Variants in PCNX1 observed in about 807,000 individuals in gnomAD.
The protein encoded by PCNX1 is pecanex-like protein 1.
PCNX1 carries 78 observed loss-of-function variants against 242.2 expected under a neutral mutation model. That is an observed-to-expected ratio of 0.32 (90% CI 0.27 to 0.39). PCNX1 has a LOEUF of 0.39. Ranked by LOEUF, PCNX1 falls within the 10% of genes least tolerant of loss-of-function variation. The probability of loss-of-function intolerance (pLI) is 1.00; values close to 1 mark genes in which losing one functional copy is unlikely to be tolerated. For missense variants in PCNX1, 2,581 were observed against 2,856.5 expected, an observed-to-expected ratio of 0.90 and a Z score of 2.20; for synonymous variants, 1,024 against 1,032.9, an observed-to-expected ratio of 0.99 and a Z score of 0.17.
intron 1 of PCNX1, among the ~76,000 whole-genome samples, chr14:70,945,901 CAT>C (rs1335783103): frequency 7.2e-5 from 11 of 152,314 alleles, no homozygotes; most frequent in East Asian, 3.9e-4. Flanking sequence ...CTTGTGAAAA[CAT>C]GTGGGATCTA....
chr14:71,103,345 A>G (rs1432863791), intron 31 of PCNX1, 50 bp from the exon 32 acceptor site: 6 of 1,582,668 alleles, frequency 3.8e-6, no homozygotes, highest in African/African-American at 1.4e-5. Flanking sequence ...TGTTTCTGTG[A>G]ATTTTATTCT....
intron 7 of PCNX1, among the ~76,000 whole-genome samples, chr14:70,994,866 C>G (rs1226718758): frequency 7.7e-6 from 1 of 129,110 alleles, no homozygotes; most frequent in Non-Finnish European, 1.7e-5. Context: ...ATTAAAATTT[C>G]TAATAAATAA....
intron 2 of PCNX1, among the ~76,000 whole-genome samples, chr14:70,956,410 GC>G (rs958799260): frequency 4.6e-5 from 7 of 151,884 alleles, no homozygotes; most frequent in African/African-American, 1.7e-4. Flanking sequence ...TAAAAAATTA[GC>G]CGGGTGTGGT....
rs374450253 is a variant in PCNX1, at chr14:70,912,334, A to G, written c.153+4331A>G. 3.6e-3 allele frequency among the ~76,000 whole-genome samples: 550 copies of G among 152,352 alleles called. 1 individual carries two copies. Among genetic ancestry groups the G allele is most frequent in the African/African-American group, 0.013 (533 of 41,574 alleles). On this transcript the variant is annotated intron_variant, in intron 1 of 35. Transcript: ENST00000304743. ...ACATCAGAATCACTTGACAATGTTA[A>G]TGATGTGCAAGCCCTTTCTTATTCG...
intron 4 of PCNX1, among the ~76,000 whole-genome samples, chr14:70,968,717 G>T (rs1210041944): frequency 2.6e-5 from 4 of 152,192 alleles, no homozygotes; most frequent in Non-Finnish European, 5.9e-5. Flanking sequence ...GTTGGGTCAA[G>T]TTATGTAATT....
intron 8 of PCNX1, among the ~76,000 whole-genome samples, chr14:71,002,429 T>C (rs567649041): frequency 8.5e-5 from 13 of 152,280 alleles, no homozygotes; most frequent in African/African-American, 3.1e-4. Context: ...TCAAGGAGTT[T>C]TAACAGATGT....
chr14:71,091,825 G>A (rs546140909), intron 30 of PCNX1, among the ~76,000 whole-genome samples: 13 of 152,240 alleles, frequency 8.5e-5, no homozygotes, highest in African/African-American at 2.2e-4. Context: ...CAGTAATTTC[G>A]TAGTCACCTT....
rs555098729 is a variant in PCNX1, at chr14:70,937,071, C to T, written c.154-9844C>T. Among the ~76,000 whole-genome samples, 52 of 152,194 alleles carry T rather than the reference C, an allele frequency of 3.4e-4. 2 individuals carry two copies. The South Asian group carries it at 7.7e-3, about 22-fold the overall frequency. ...TGGATAGATTGTAAAAATTTTCTCC[C>T]GTTCTGTAGGTTGCCTGTTCACTCT... On this transcript the variant is annotated intron_variant, in intron 1 of 35. Coordinates refer to ENST00000304743, the MANE Select transcript of PCNX1 (RefSeq NM_014982.3).
At chr14:71,071,527 G>C (rs2061585852) in intron 26 of PCNX1, among the ~76,000 whole-genome samples, 1 of 152,062 alleles carries the variant, frequency 6.6e-6, no homozygotes, top group South Asian at 2.1e-4. Context: ...CATGTGATCT[G>C]GTTGTTCAAA....
At chr14:71,052,521 C>G (rs1007839935) in intron 24 of PCNX1, among the ~76,000 whole-genome samples, 1 of 152,060 alleles carries the variant, frequency 6.6e-6, no homozygotes, top group African/African-American at 2.4e-5. Context: ...CCATTTTTTC[C>G]TACTTAAAAG....
chr14:70,911,777 TTCAG>T (rs2055923290), intron 1 of PCNX1, among the ~76,000 whole-genome samples: 2 of 152,324 alleles, frequency 1.3e-5, no homozygotes, highest in Admixed American at 1.3e-4. Flanking sequence ...CAGAATGGCC[TTCAG>T]TAAATGTCAT....
intron 28 of PCNX1, among the ~76,000 whole-genome samples, chr14:71,083,202 G>A (rs1030526255): frequency 3.9e-5 from 6 of 152,154 alleles, no homozygotes; most frequent in African/African-American, 1.2e-4. Context: ...TGGCTTGTGC[G>A]GTTTCTGCAG....
At chr14:70,911,280 T>A (rs2140005856) in intron 1 of PCNX1, among the ~76,000 whole-genome samples, 1 of 152,168 alleles carries the variant, frequency 6.6e-6, no homozygotes, top group Middle Eastern at 3.4e-3. Flanking sequence ...TTTTATTTAT[T>A]CCCCCCCAAA....
chr14:70,969,123 T>C lies in PCNX1; in HGVS notation c.604+13T>C. The C allele has an allele frequency of 2.0e-6, 3 of 1,479,600 alleles. No individual in the cohort carries two copies. Among genetic ancestry groups the C allele is most frequent in the South Asian group, 1.1e-5 (1 of 88,494 alleles). 91.7% of individuals were successfully genotyped at this position (1,479,600 alleles called of 1,614,324 possible). ...AGTGAAGAACAAGGTAAGAACGTTATACTTTACCATGATGTCATATACTGT... is the reference window on the plus strand; with the variant it reads ...AGTGAAGAACAAGGTAAGAACGTTACACTTTACCATGATGTCATATACTGT... On this transcript the variant is annotated intron_variant, in intron 5 of 35. Coordinates refer to ENST00000304743, the MANE Select transcript of PCNX1 (RefSeq NM_014982.3).
At chr14:71,023,155 AG>A (rs2060149917) in intron 12 of PCNX1, 44 bp from the exon 13 acceptor site, 1 of 1,497,382 alleles carries the variant, frequency 6.7e-7, no homozygotes, top group African/African-American at 1.4e-5. Flanking sequence ...TTGTAAAATT[AG>A]CAAGACTTCA....
rs1224411430 is a variant in PCNX1, at chr14:70,984,060, G to T, written c.2312-4507G>T. Among the ~76,000 whole-genome samples the T allele has an allele frequency of 4.6e-5, 7 of 151,276 alleles. 1 individual carries two copies. Among genetic ancestry groups the T allele is most frequent in the Non-Finnish European group, 1.0e-4 (7 of 67,574 alleles). ...AATGTGTTTCAGAATGTTTGCAGAT[G>T]CCTTTTCTTTTTCTGAGATATATAT... On this transcript the variant is annotated intron_variant, in intron 6 of 35. Transcript: ENST00000304743.
chr14:70,943,784 C>T (rs985684518), intron 1 of PCNX1, among the ~76,000 whole-genome samples: 13 of 112 alleles, frequency 0.12, no homozygotes, highest in East Asian at 0.5. Context: ...GTTTCTTGGG[C>T]GAGGCCAGGG....
intron 3 of PCNX1, among the ~76,000 whole-genome samples, chr14:70,966,051 G>A (rs899598345): frequency 1.3e-5 from 2 of 152,154 alleles, no homozygotes; most frequent in South Asian, 2.1e-4. Context: ...ATTGTATCAT[G>A]AGCATTAATA....
chr14:70,984,086 A>G lies in PCNX1; in HGVS notation c.2312-4481A>G, dbSNP rs1934467146. 1.3e-5 allele frequency among the ~76,000 whole-genome samples: 2 copies of G among 151,378 alleles called. 1 individual carries two copies. The highest frequency in any genetic ancestry group is 3.0e-5 in the Non-Finnish European group (2 of 67,600). On this transcript the variant is annotated intron_variant, in intron 6 of 35. Transcript: ENST00000304743. ...CCTTTTCTTTTTCTGAGATATATAT[A>G]TACTTGTTTCATACTTTTGTCATCT...
Sources: allele counts gnomAD v4.1 joint callset (sites outside exome capture counted in the v4.1 genomes callset), GRCh38; gene constraint gnomAD v4.1.1; transcripts MANE v1.5; gene names NCBI Gene and HGNC (gene_info 2026-07-23, HGNC 2026-07-21).